Variants in PTPRT observed in about 807,000 individuals in gnomAD.
PTPRT encodes protein tyrosine phosphatase receptor type T.
In PTPRT, 56 loss-of-function variants were observed where a neutral mutation model predicts 176.8. The ratio of observed to expected loss-of-function variants is 0.32; its 90% confidence interval spans 0.26 to 0.40. The LOEUF (loss-of-function observed/expected upper bound fraction) is 0.40, where lower values mean the gene tolerates loss of function less well. Ranked by LOEUF, PTPRT falls within the 10% of genes least tolerant of loss-of-function variation. The pLI, the probability that PTPRT is intolerant of heterozygous loss-of-function variation, is 1.00. For missense variants in PTPRT, 1,540 were observed against 1,908.2 expected (o/e 0.81, Z 3.60); for synonymous variants, 783 against 739.0 (o/e 1.06, Z -0.96).
At chr20:42,208,290 C>T (rs941776426) in intron 15 of PTPRT, among the ~76,000 whole-genome samples, 1 of 145,288 alleles carries the variant, frequency 6.9e-6, no homozygotes, top group Non-Finnish European at 1.5e-5. Flanking sequence ...TCACACATAA[C>T]AATATTAACT....
At chr20:42,666,711 G>A (rs4140493) in intron 7 of PTPRT, among the ~76,000 whole-genome samples, 11,716 of 152,158 alleles carry the variant, frequency 0.077, 503 homozygotes, top group South Asian at 0.16. Flanking sequence ...AACTTTGTAG[G>A]TGTTTGTATT....
chr20:42,982,207 C>T (rs186097351), intron 1 of PTPRT, among the ~76,000 whole-genome samples: 130 of 152,250 alleles, frequency 8.5e-4, no homozygotes, highest in African/African-American at 3.0e-3. Context: ...CTACACTTAC[C>T]ACCAAATTTT....
At chr20:42,818,783 G>A (rs914382187) in intron 2 of PTPRT, among the ~76,000 whole-genome samples, 5 of 152,094 alleles carry the variant, frequency 3.3e-5, no homozygotes, top group African/African-American at 1.2e-4. Context: ...AACTGACCAC[G>A]CGGAAGAAAG....
intron 15 of PTPRT, among the ~76,000 whole-genome samples, chr20:42,213,962 A>C (rs1350824305): frequency 6.6e-6 from 1 of 152,230 alleles, no homozygotes; most frequent in Non-Finnish European, 1.5e-5. Flanking sequence ...TTGTTTAATA[A>C]ACATTATAGA....
chr20:42,778,073 C>A (rs1168335299), intron 4 of PTPRT, among the ~76,000 whole-genome samples: 1 of 152,182 alleles, frequency 6.6e-6, no homozygotes, highest in Non-Finnish European at 1.5e-5. Context: ...GCCACCCACA[C>A]CCCTCTGCAG....
At chr20:42,758,384 A>C (rs926260206) in intron 5 of PTPRT, among the ~76,000 whole-genome samples, 1 of 152,088 alleles carries the variant, frequency 6.6e-6, no homozygotes, top group African/African-American at 2.4e-5. Context: ...GCTCTATGGC[A>C]GCAAATGAGG....
intron 13 of PTPRT, among the ~76,000 whole-genome samples, chr20:42,269,612 C>G (rs752184388): frequency 2.5e-4 from 38 of 152,204 alleles, no homozygotes; most frequent in Non-Finnish European, 5.9e-5. Context: ...AAATGAACTC[C>G]ACCTATGGTA....
At chr20:43,074,300 G>A (rs1335787768) in intron 1 of PTPRT, among the ~76,000 whole-genome samples, 4 of 152,076 alleles carry the variant, frequency 2.6e-5, no homozygotes, top group East Asian at 1.9e-4. Context: ...ATTTTATAAC[G>A]TCTATTAATG....
chr20:42,330,155 G>A (rs2145431927), intron 11 of PTPRT, among the ~76,000 whole-genome samples: 1 of 152,274 alleles, frequency 6.6e-6, no homozygotes, highest in Non-Finnish European at 1.5e-5. Context: ...ATCCAGTAAT[G>A]TATAAAAGAT....
intron 6 of PTPRT, among the ~76,000 whole-genome samples, chr20:42,730,514 G>C (rs1045984605): frequency 6.6e-6 from 1 of 152,204 alleles, no homozygotes; most frequent in Non-Finnish European, 1.5e-5. Flanking sequence ...ATAGAGCAAA[G>C]GGAATTGGAA....
intron 6 of PTPRT, among the ~76,000 whole-genome samples, chr20:42,705,381 G>A (rs2076038244): frequency 6.6e-6 from 1 of 151,346 alleles, no homozygotes; most frequent in Non-Finnish European, 1.5e-5. Context: ...GATAGGTGGT[G>A]GAGTTAGGAG....
intron 7 of PTPRT, among the ~76,000 whole-genome samples, chr20:42,475,793 TTCTGC>T (rs894266839): frequency 6.6e-6 from 1 of 152,188 alleles, no homozygotes; most frequent in African/African-American, 2.4e-5. Context: ...ATACACACAT[TTCTGC>T]TCCTCTTAAA....
At chr20:42,386,792 G>A (rs556370328) in intron 9 of PTPRT, among the ~76,000 whole-genome samples, 10 of 152,180 alleles carry the variant, frequency 6.6e-5, no homozygotes, top group South Asian at 6.2e-4. Context: ...CCCAGGAGGC[G>A]GAAGTTGCAG....
At chr20:42,274,485 C>T (rs1463881772) in intron 13 of PTPRT, among the ~76,000 whole-genome samples, 3 of 151,340 alleles carry the variant, frequency 2.0e-5, no homozygotes, top group Non-Finnish European at 2.9e-5. Flanking sequence ...GACCACATCA[C>T]GTTTTGAGGA....
chr20:42,308,165 C>A (rs1443838657), intron 12 of PTPRT, among the ~76,000 whole-genome samples: 1 of 151,930 alleles, frequency 6.6e-6, no homozygotes, highest in African/African-American at 2.4e-5. Context: ...GAAATAACCA[C>A]AAAAATGGCC....
At chr20:42,212,600 A>C (rs1348720995) in intron 15 of PTPRT, among the ~76,000 whole-genome samples, 2 of 152,114 alleles carry the variant, frequency 1.3e-5, no homozygotes, top group African/African-American at 4.8e-5. Flanking sequence ...CTAGCTGTGC[A>C]AGCTCTTGCA....
chr20:42,862,268 T>C (rs1051680137), intron 2 of PTPRT, among the ~76,000 whole-genome samples: 3 of 152,122 alleles, frequency 2.0e-5, no homozygotes, highest in African/African-American at 4.8e-5. Flanking sequence ...CCTCCCTTGG[T>C]TGAGAGGGGC....
intron 23 of PTPRT, among the ~76,000 whole-genome samples, chr20:42,108,025 G>A (rs1329730545): frequency 6.7e-6 from 1 of 149,770 alleles, no homozygotes; most frequent in Admixed American, 6.6e-5. Context: ...TGGCCTCTGT[G>A]TCTGGGAGGG....
intron 6 of PTPRT, among the ~76,000 whole-genome samples, chr20:42,692,059 G>A (rs1473651874): frequency 6.6e-6 from 1 of 152,192 alleles, no homozygotes; most frequent in Non-Finnish European, 1.5e-5. Flanking sequence ...TCTTTAGCTA[G>A]AACATCTTGG....
Sources: allele counts gnomAD v4.1 joint callset (sites outside exome capture counted in the v4.1 genomes callset), GRCh38; gene constraint gnomAD v4.1.1; transcripts MANE v1.5; gene names NCBI Gene and HGNC (gene_info 2026-07-23, HGNC 2026-07-21).